Variants in TP53BP1 observed in about 807,000 individuals in gnomAD.
The protein encoded by TP53BP1 is TP53-binding protein 1.
In TP53BP1, 61 loss-of-function variants were observed where a neutral mutation model predicts 200.8. The observed-to-expected ratio is 0.30, with a 90% CI of 0.25 to 0.38. The LOEUF (loss-of-function observed/expected upper bound fraction) is 0.38. Ranked by LOEUF, TP53BP1 falls within the 10% of genes least tolerant of loss-of-function variation. TP53BP1 has a pLI of 1.00. For synonymous variants in TP53BP1, 822 were observed against 844.3 expected, an observed-to-expected ratio of 0.97 and a Z score of 0.46; for missense variants, 2,144 against 2,371.9, an observed-to-expected ratio of 0.90 and a Z score of 2.00.
In TP53BP1 at chr15:43,403,582, TATTA is replaced by T; in HGVS notation, c.*3797_*3800del. 3 of 874,490 alleles carry T rather than the reference TATTA, an allele frequency of 3.4e-6. No homozygotes were observed. The highest frequency in any genetic ancestry group is 1.7e-5 in the African/African-American group (1 of 60,338). The allele number at this position is 874,490 out of a possible 1,614,324, so 54.2% of individuals were successfully genotyped here. ...ATCCTGTCAGATTTGGGAGGTCAGC[TATTA>T]ATTAGATCAGCTATTAATCAGACTG... On this transcript the variant is annotated 3_prime_UTR_variant, in exon 28 of 28. Transcript: ENST00000382044.
intron 12 of TP53BP1, among the ~76,000 whole-genome samples, chr15:43,451,219 A>G (rs1638227542): frequency 6.6e-6 from 1 of 151,650 alleles, no homozygotes; most frequent in Admixed American, 6.6e-5. Flanking sequence ...GTTTTAGGGT[A>G]CATGTGCACA....
chr15:43,427,190 C>T (rs1036002155), intron 18 of TP53BP1, among the ~76,000 whole-genome samples: 1 of 152,024 alleles, frequency 6.6e-6, no homozygotes, highest in Non-Finnish European at 1.5e-5. Context: ...TTCAAGATAA[C>T]AAACAGTCAC....
At chr15:43,425,872 T>C (rs1485300992) in intron 18 of TP53BP1, among the ~76,000 whole-genome samples, 1 of 151,996 alleles carries the variant, frequency 6.6e-6, no homozygotes, top group Admixed American at 6.5e-5. Context: ...GAGACCATCC[T>C]GGCTAACACG....
chr15:43,482,462 G>C (rs915355724), intron 4 of TP53BP1, among the ~76,000 whole-genome samples: 1 of 151,094 alleles, frequency 6.6e-6, no homozygotes, highest in Non-Finnish European at 1.5e-5. Context: ...GTGCAACCCC[G>C]TCTCTACTAA....
At chr15:43,504,487 T>A (rs1011853926) in intron 1 of TP53BP1, among the ~76,000 whole-genome samples, 1 of 152,212 alleles carries the variant, frequency 6.6e-6, no homozygotes, top group South Asian at 2.1e-4. Context: ...GTTCACATAG[T>A]TGGTAAGTAA....
intron 13 of TP53BP1, chr15:43,447,086 A>T: frequency 4.4e-6 from 2 of 458,968 alleles, no homozygotes; most frequent in Admixed American, 3.5e-5. Context: ...CTACATCACT[A>T]CTTAGCACTC....
At chr15:43,493,312 G>GT (rs1555410402), upstream of TP53BP1, 2 of 1,081,432 alleles carry the variant, frequency 1.8e-6, no homozygotes, top group Non-Finnish European at 2.6e-6. Context: ...CAGCATGGAC[G>GT]TTGCAGGCCC....
intron 1 of TP53BP1, among the ~76,000 whole-genome samples, chr15:43,508,706 T>TA (rs777013945): frequency 6.6e-5 from 10 of 152,344 alleles, no homozygotes; most frequent in East Asian, 5.8e-4. Context: ...GGAATACTGT[T>TA]AACCAAGGAA....
rs1341585706 is a variant in TP53BP1 at position 43,405,193 on chromosome 15, CTT to C, written c.*2188_*2189del. ...TGACACTTAATAAGGCTCTTTTTCT[CTT>C]TTGTAGTTTCGGGATGTGAAAATTT... On this transcript the variant is annotated 3_prime_UTR_variant, in exon 28 of 28. Transcript: ENST00000382044. The C allele has an allele frequency of 1.2e-6, 2 of 1,614,014 alleles. No homozygotes were observed. Among genetic ancestry groups the C allele is most frequent in the Non-Finnish European group, 1.7e-6 (2 of 1,179,952 alleles).
chr15:43,491,770 G>C lies in TP53BP1; in HGVS notation c.287-17C>G. 1 of 1,594,734 alleles carries C rather than the reference G, an allele frequency of 6.3e-7. No homozygotes were observed. Among genetic ancestry groups the C allele is most frequent in the South Asian group, 1.1e-5 (1 of 90,674 alleles). On this transcript the variant is annotated splice_polypyrimidine_tract_variant and intron_variant, in intron 3 of 27. Transcript: ENST00000382044. ...CCACAGGGTCTGAAAAAAATAACTGGATATTAGCATGAAAGACATTTACCA... is the reference window on the plus strand; with the variant it reads ...CCACAGGGTCTGAAAAAAATAACTGCATATTAGCATGAAAGACATTTACCA...
In TP53BP1 at chr15:43,477,753, C is replaced by T; in HGVS notation, c.795G>A (p.Glu265=). 6.3e-7 allele frequency: 1 copy of T among 1,578,262 alleles called. No homozygotes were observed. Among genetic ancestry groups the T allele is most frequent in the Non-Finnish European group, 8.6e-7 (1 of 1,165,762 alleles). ...KEQNPPPARS[E]DMPFSPKASV... is the part of the protein sequence containing the mutation. The stretch of plus-strand genomic sequence containing the variant: ...ATGCTTTGGGGCTAAAAGGCATGTC[C>T]TCTGACCTAGGAAATTCATATCACC... Residue 265 remains glutamate, a synonymous_variant, in exon 8 of 28, where the codon GAG becomes GAA. Coordinates refer to ENST00000382044, the MANE Select transcript of TP53BP1 (RefSeq NM_001141980.3).
intron 11 of TP53BP1, among the ~76,000 whole-genome samples, chr15:43,461,647 T>C (rs1201640374): frequency 6.6e-6 from 1 of 151,884 alleles, no homozygotes; most frequent in Non-Finnish European, 1.5e-5. Flanking sequence ...TCTATTTTAG[T>C]AAAAAATTAT....
chr15:43,438,282 G>A, intron 16 of TP53BP1, 42 bp downstream of exon 16: 1 of 1,566,252 alleles, frequency 6.4e-7, no homozygotes, highest in Non-Finnish European at 8.8e-7. Flanking sequence ...ACCATTTTGT[G>A]AACCAATGGA....
At position 43,492,390 on chromosome 15, in the gene TP53BP1, T is replaced by C. The variant is rs968498476; in HGVS notation, c.86A>G (p.Asp29Gly). The change falls in exon 2 of 28, where the codon GAT (aspartate) becomes GGT (glycine). Residue 29 changes from aspartate to glycine, a missense_variant. By Grantham distance (94) the Asp-to-Gly change is moderately conservative. Coordinates refer to ENST00000382044, the MANE Select transcript of TP53BP1 (RefSeq NM_001141980.3). The stretch of plus-strand genomic sequence containing the variant: ...TAGAACCTGGCTTTCAGGCTGAGAA[T>C]CTTCAATTATCAGGCAAGGAGTATC... The part of the protein sequence containing the change: ...QQDTPCLIIE[D>G]SQPESQVLED... The C allele has an allele frequency of 1.2e-6, 2 of 1,614,148 alleles. No homozygotes were observed. Among genetic ancestry groups the C allele is most frequent in the African/African-American group, 1.3e-5 (1 of 75,060 alleles).
intron 23 of TP53BP1, 130 bp from the exon 24 acceptor site, chr15:43,413,464 C>A: frequency 1.4e-6 from 1 of 703,562 alleles, no homozygotes; most frequent in South Asian, 2.0e-5. Flanking sequence ...CTTATCTGAG[C>A]CAGAAACCAA....
At chr15:43,407,664 C>A in intron 27 of TP53BP1, 94 bp from the exon 28 acceptor site, 1 of 1,218,876 alleles carries the variant, frequency 8.2e-7, no homozygotes, top group South Asian at 1.5e-5. Context: ...ACATCCCACT[C>A]TGCACAAACC....
chr15:43,509,537 T>C (rs1348786480), intron 1 of TP53BP1, among the ~76,000 whole-genome samples: 1 of 152,020 alleles, frequency 6.6e-6, no homozygotes, highest in Non-Finnish European at 1.5e-5. Flanking sequence ...GCCTCCCGAG[T>C]AGCTGGGATT....
Position 43,403,658 on chromosome 15 carries a change from A to G in TP53BP1, c.*3725T>C. On this transcript the variant is annotated 3_prime_UTR_variant, in exon 28 of 28. Transcript: ENST00000382044. ...ATGGATGTACCTTCCTTCCTTTCCT[A>G]ATGCCAACTCTGTTTCCCGGGTAGG... The G allele has an allele frequency of 6.5e-7, 1 of 1,542,438 alleles. No individual in the cohort carries two copies. The highest frequency in any genetic ancestry group is 8.9e-7 in the Non-Finnish European group (1 of 1,117,732).
At chr15:43,496,705 C>T (rs924779065), upstream of TP53BP1, among the ~76,000 whole-genome samples, 1 of 151,052 alleles carries the variant, frequency 6.6e-6, no homozygotes, top group African/African-American at 2.4e-5. Context: ...CTTACGGCAA[C>T]CCCTGCCTCC....
Sources: allele counts gnomAD v4.1 joint callset (sites outside exome capture counted in the v4.1 genomes callset), GRCh38; gene constraint gnomAD v4.1.1; transcripts MANE v1.5; gene names NCBI Gene and HGNC (gene_info 2026-07-23, HGNC 2026-07-21).